The following ATP10A variants were observed in gnomAD, a reference collection of about 807,000 sequenced individuals.
ATP10A encodes the protein ATPase phospholipid transporting 10A (putative).
A neutral mutation model predicts 147.8 loss-of-function variants in ATP10A; 111 were observed. The ratio of observed to expected loss-of-function variants is 0.75; its 90% CI spans 0.64 to 0.88. The LOEUF (loss-of-function observed/expected upper bound fraction) is 0.88, where lower values mean the gene tolerates loss of function less well. ATP10A is among the 40% of genes least tolerant of loss of function. The pLI is 0.00. For synonymous variants in ATP10A, 875 were observed against 841.6 expected (o/e 1.04, Z -0.69); for missense variants, 1,927 against 1,959.0 (o/e 0.98, Z 0.31).
At chr15:25,698,030 C>T (rs1441139910) in intron 13 of ATP10A, among the ~76,000 whole-genome samples, 1 of 151,716 alleles carries the variant, frequency 6.6e-6, no homozygotes, top group Non-Finnish European at 1.5e-5. Context: ...CGAAGTGTCA[C>T]AGCCAAGAAG....
At chr15:25,819,586 G>GA (rs60720963) in intron 1 of ATP10A, among the ~76,000 whole-genome samples, 55,344 of 149,608 alleles carry the variant, frequency 0.37, 11,755 homozygotes, top group African/African-American at 0.59. Flanking sequence ...GTACCCAAAT[G>GA]AAAAAAAAAA....
intron 7 of ATP10A, among the ~76,000 whole-genome samples, chr15:25,720,733 G>A (rs1238635995): frequency 6.6e-6 from 1 of 152,162 alleles, no homozygotes; most frequent in African/African-American, 2.4e-5. Context: ...AATTTCCTCT[G>A]CCTTCTGTTT....
chr15:25,716,590 CA>C, intron 9 of ATP10A, 139 bp downstream of exon 9: 1 of 783,832 alleles, frequency 1.3e-6, no homozygotes, highest in Non-Finnish European at 2.0e-6. Context: ...TGAAGCACCC[CA>C]CCGCATCCCC....
intron 12 of ATP10A, among the ~76,000 whole-genome samples, chr15:25,703,584 C>A (rs1289759967): frequency 2.0e-5 from 3 of 152,186 alleles, no homozygotes; most frequent in Non-Finnish European, 4.4e-5. Flanking sequence ...AACAAACGAA[C>A]TAAGCCACCC....
At chr15:25,684,558 T>A (rs540836313) in intron 16 of ATP10A, among the ~76,000 whole-genome samples, 2 of 152,306 alleles carry the variant, frequency 1.3e-5, no homozygotes, top group South Asian at 2.1e-4. Flanking sequence ...CGAGTGCTCT[T>A]ATCCCACATA....
intron 1 of ATP10A, among the ~76,000 whole-genome samples, chr15:25,782,500 T>G (rs950122046): frequency 1.3e-5 from 2 of 152,156 alleles, no homozygotes; most frequent in Non-Finnish European, 2.9e-5. Context: ...TAAAAAATAA[T>G]TAAAACACGT....
intron 12 of ATP10A, among the ~76,000 whole-genome samples, chr15:25,703,319 C>T (rs972284723): frequency 2.1e-4 from 32 of 152,178 alleles, no homozygotes; most frequent in African/African-American, 6.3e-4. Context: ...CATGCCACTG[C>T]ACTCCAGCCT....
chr15:25,678,023 A>C (rs536336183), downstream of ATP10A: 85 of 152,394 alleles, frequency 5.6e-4, 1 homozygote, highest in African/African-American at 2.0e-3. Flanking sequence ...GAACAGAGGC[A>C]GACTCAGGAC....
At chr15:25,838,569 A>G (rs931102591) in intron 1 of ATP10A, among the ~76,000 whole-genome samples, 2 of 152,266 alleles carry the variant, frequency 1.3e-5, no homozygotes, top group African/African-American at 4.8e-5. Flanking sequence ...TCGCCCTTTA[A>G]TCTCCATCCT....
At chr15:25,817,335 A>G (rs554065772) in intron 1 of ATP10A, among the ~76,000 whole-genome samples, 1 of 152,122 alleles carries the variant, frequency 6.6e-6, no homozygotes, top group African/African-American at 2.4e-5. Flanking sequence ...CTCCCACCTC[A>G]GCCTCCCAAA....
At chr15:25,839,647 T>C (rs780960413) in intron 1 of ATP10A, among the ~76,000 whole-genome samples, 1 of 152,186 alleles carries the variant, frequency 6.6e-6, no homozygotes, top group East Asian at 1.9e-4. Flanking sequence ...CTGGGCAACA[T>C]GTGTACTGGG....
At chr15:25,705,960 G>A (rs1900983454) in intron 12 of ATP10A, among the ~76,000 whole-genome samples, 1 of 152,154 alleles carries the variant, frequency 6.6e-6, no homozygotes, top group Admixed American at 6.5e-5. Context: ...TGCACCTGGA[G>A]GGAAGGAATC....
intron 1 of ATP10A, among the ~76,000 whole-genome samples, chr15:25,851,352 A>G (rs1372133301): frequency 6.6e-6 from 1 of 151,622 alleles, no homozygotes. Context: ...GAAAACCAAG[A>G]CTTACTTTAG....
intron 12 of ATP10A, among the ~76,000 whole-genome samples, chr15:25,705,888 C>T (rs927240695): frequency 6.6e-6 from 1 of 152,234 alleles, no homozygotes; most frequent in East Asian, 1.9e-4. Context: ...CAGTGCACGG[C>T]TGGCACCCAT....
chr15:25,794,970 T>C (rs948202481), intron 1 of ATP10A, among the ~76,000 whole-genome samples: 7 of 152,134 alleles, frequency 4.6e-5, no homozygotes, highest in African/African-American at 1.7e-4. Flanking sequence ...GAACAGCAGC[T>C]CTAAGGAAGG....
At chr15:25,697,530 C>A (rs1043832616) in intron 13 of ATP10A, among the ~76,000 whole-genome samples, 18 of 152,094 alleles carry the variant, frequency 1.2e-4, no homozygotes, top group African/African-American at 3.9e-4. Flanking sequence ...TCCAAAAGTT[C>A]CAAGAAGTAA....
In ATP10A at chr15:25,732,543, C is replaced by CACATGCGACACCTTCT. The variant is rs1199271758; in HGVS notation, c.740+3497_740+3512dup. Among the ~76,000 whole-genome samples, 101 of 146,444 alleles carry CACATGCGACACCTTCT rather than the reference C, an allele frequency of 6.9e-4. 2 individuals carry two copies. The highest frequency in any genetic ancestry group is 9.7e-4 in the Non-Finnish European group (65 of 67,150). ...TAAGATTTTCCTACTGTGAGCATTTCACATGCGACACCTTCTTTTTTTTTT... is the reference window on the plus strand; with the variant it reads ...TAAGATTTTCCTACTGTGAGCATTTCACATGCGACACCTTCTACATGCGACACCTTCTTTTTTTTTT... On this transcript the variant is annotated intron_variant, in intron 3 of 20. Coordinates refer to ENST00000555815, the MANE Select transcript of ATP10A (RefSeq NM_024490.4).
chr15:25,715,219 T>C (rs1018796926), intron 9 of ATP10A, among the ~76,000 whole-genome samples: 6 of 152,240 alleles, frequency 3.9e-5, no homozygotes, highest in Non-Finnish European at 8.8e-5. Context: ...CAGATTTTGA[T>C]ACAGGTGCTT....
chr15:25,693,170 T>C (rs10162723), intron 14 of ATP10A, among the ~76,000 whole-genome samples: 95,599 of 151,856 alleles, frequency 0.63, 32,250 homozygotes, highest in Non-Finnish European at 0.76. Flanking sequence ...TGCAGGTGTG[T>C]GCCACCACAC....
Sources: gnomAD v4.1 joint callset for allele counts (sites outside exome capture counted in the v4.1 genomes callset) on GRCh38, gnomAD v4.1.1 for gene constraint, MANE v1.5 for transcripts, NCBI Gene and HGNC (gene_info 2026-07-23, HGNC 2026-07-21) for gene names.